Variants in VAPB observed in about 807,000 individuals in gnomAD.
VAPB encodes vesicle-associated membrane protein-associated protein B/C.
A neutral mutation model predicts 25.6 loss-of-function variants in VAPB; 7 were observed. That is an observed-to-expected ratio of 0.27 (90% CI 0.16 to 0.51). The LOEUF is 0.51. VAPB is among the 20% of genes least tolerant of loss of function. The pLI, the probability that VAPB is intolerant of heterozygous loss-of-function variation, is 0.97. For missense variants in VAPB, 266 were observed against 301.3 expected (o/e 0.88, Z 0.87); for synonymous variants, 112 against 109.2 (o/e 1.03, Z -0.16).
chr20:58,427,433 C>T lies in VAPB; in HGVS notation c.212-7169C>T, dbSNP rs556130692. Among the ~76,000 whole-genome samples, 62 of 146,132 alleles carry T rather than the reference C, an allele frequency of 4.2e-4. 1 individual carries two copies. In the South Asian group the frequency reaches 9.1e-3, roughly 22 times the overall value. On this transcript the variant is annotated intron_variant, in intron 2 of 5. Coordinates refer to ENST00000475243, the MANE Select transcript of VAPB (RefSeq NM_004738.5). The stretch of plus-strand genomic sequence containing the variant: ...TGATCTGTTACCATTATGATGCAGA[C>T]GAAAGTGATTCGTGATCTGTTACCA...
chr20:58,449,265 A>G lies in VAPB; in HGVS notation c.*5030A>G, dbSNP rs1161170332. 1.5e-5 allele frequency: 7 copies of G among 453,920 alleles called. No individual in the cohort carries two copies. Among genetic ancestry groups the G allele is most frequent in the Admixed American group, 2.4e-5 (1 of 42,550 alleles). The allele number at this position is 453,920 out of a possible 1,614,324, so 28.1% of individuals were successfully genotyped here. On this transcript the variant is annotated 3_prime_UTR_variant, in exon 6 of 6. Transcript: ENST00000475243. ...TGCCAGGGGGCCCTGACCTCCCTCC[A>G]TGCCATGTTTTTGGCTGTATCTACG...
intron 1 of VAPB, among the ~76,000 whole-genome samples, chr20:58,415,387 G>T (rs986569015): frequency 6.6e-6 from 1 of 152,154 alleles, no homozygotes; most frequent in African/African-American, 2.4e-5. Flanking sequence ...GACATAAAGG[G>T]CATTGTTTAC....
In VAPB at chr20:58,441,101, G is replaced by A. The variant is rs201884956; in HGVS notation, c.573+18G>A. ...AGTTCAAGGTAATAGTTTATTTTCT[G>A]GTAATCTACAGAAAACAAGGGCGTT... On this transcript the variant is annotated intron_variant, in intron 5 of 5. Coordinates refer to ENST00000475243, the MANE Select transcript of VAPB (RefSeq NM_004738.5). 4.7e-5 allele frequency: 75 copies of A among 1,612,756 alleles called. No homozygotes were observed. In the African/African-American group the frequency reaches 7.9e-4, roughly 17 times the overall value.
At position 58,446,997 on chromosome 20, in the gene VAPB, G is replaced by A. The variant is rs1419591537; in HGVS notation, c.*2762G>A. On this transcript the variant is annotated 3_prime_UTR_variant, in exon 6 of 6. Transcript: ENST00000475243. The stretch of plus-strand genomic sequence containing the variant: ...CAAGAGGGTTAAGAGTCAGATAATC[G>A]GGACGAAACTGGCATGGAAAGAGCG... 3 of 454,070 alleles carry A rather than the reference G, an allele frequency of 6.6e-6. No homozygotes were observed. Among genetic ancestry groups the A allele is most frequent in the South Asian group, 3.1e-5 (2 of 64,474 alleles). 28.1% of individuals were successfully genotyped at this position (454,070 alleles called of 1,614,324 possible).
rs763411641 is a variant in VAPB at position 58,449,289 on chromosome 20, C to T, written c.*5054C>T. ...CATGCCATGTTTTTGGCTGTATCTA[C>T]GGCACTTAACAATAGGGGCTTTTTA... On this transcript the variant is annotated 3_prime_UTR_variant, in exon 6 of 6. Transcript: ENST00000475243. 21 of 451,640 alleles carry T rather than the reference C, an allele frequency of 4.6e-5. No homozygotes were observed. Among genetic ancestry groups the T allele is most frequent in the African/African-American group, 1.0e-4 (5 of 49,798 alleles). 28.0% of individuals were successfully genotyped at this position (451,640 alleles called of 1,614,324 possible).
chr20:58,399,342 T>C (rs756686609), intron 1 of VAPB, among the ~76,000 whole-genome samples: 6 of 151,610 alleles, frequency 4.0e-5, no homozygotes, highest in African/African-American at 1.5e-4. Context: ...AGTGCCTTAT[T>C]ATAATTGTAG....
rs1384552910 is a variant in VAPB at position 58,450,547 on chromosome 20, TC to T, written c.*6314del. 2.2e-6 allele frequency: 1 copy of T among 454,100 alleles called. No individual in the cohort carries two copies. The highest frequency in any genetic ancestry group is 2.3e-5 in the Admixed American group (1 of 42,560). The allele number at this position is 454,100 out of a possible 1,614,324, so 28.1% of individuals were successfully genotyped here. A position where few individuals can be genotyped will look rare whatever the true frequency, so the allele number is the denominator to read the frequency against. On this transcript the variant is annotated 3_prime_UTR_variant, in exon 6 of 6. Transcript: ENST00000475243. The stretch of plus-strand genomic sequence containing the variant: ...TTATCAACTGCTGCCATTTGGAACT[TC>T]CTATAAGAAACTAAAAATGATCTAT...
chr20:58,403,044 G>A (rs2268925), intron 1 of VAPB, among the ~76,000 whole-genome samples: 49,066 of 151,960 alleles, frequency 0.32, 8,532 homozygotes, highest in African/African-American at 0.46. Flanking sequence ...GAGGGGGGAA[G>A]AAAGAAGACT....
intron 5 of VAPB, among the ~76,000 whole-genome samples, chr20:58,441,360 G>T (rs187101575): frequency 1.3e-5 from 2 of 152,090 alleles, no homozygotes; most frequent in East Asian, 3.9e-4. Flanking sequence ...CAAAAAACTT[G>T]GCCGGGTGCG....
chr20:58,439,111 T>G, intron 4 of VAPB, 86 bp downstream of exon 4: 3 of 1,310,312 alleles, frequency 2.3e-6, no homozygotes, highest in Non-Finnish European at 3.3e-6. Context: ...AAGATTTAAG[T>G]TGGCAAATTA....
At chr20:58,438,808 C>A in intron 3 of VAPB, 137 bp from the exon 4 acceptor site, 2 of 698,302 alleles carry the variant, frequency 2.9e-6, no homozygotes, top group South Asian at 1.7e-5. Context: ...GAAATCTCAG[C>A]AGACTTCAGT....
At position 58,430,226 on chromosome 20, in the gene VAPB, T is replaced by G. The variant is rs142277075; in HGVS notation, c.212-4376T>G. ...AAAATTAGGAGACTGATACTTGACA[T>G]TTTTTCATTTTTTGCCAATTTTTCT... On this transcript the variant is annotated intron_variant, in intron 2 of 5. Coordinates refer to ENST00000475243, the MANE Select transcript of VAPB (RefSeq NM_004738.5). Among the ~76,000 whole-genome samples, 794 of 149,406 alleles carry G rather than the reference T, an allele frequency of 5.3e-3. 8 individuals are homozygous for G. Among genetic ancestry groups the G allele is most frequent in the African/African-American group, 0.018 (743 of 40,364 alleles).
rs1370343198 is a variant in VAPB at position 58,389,509 on chromosome 20, A to G, written c.50A>G (p.Lys17Arg). Residue 17 changes from lysine (K) to arginine (R), a missense_variant, in exon 1 of 6, where the codon AAA (lysine) becomes AGA (arginine). By Grantham distance (26) the Lys-to-Arg change is conservative. Coordinates refer to ENST00000475243, the MANE Select transcript of VAPB (RefSeq NM_004738.5). ...VLSLEPQHEL[K>R]FRGPFTDVVT... The stretch of plus-strand genomic sequence containing the variant: ...AGCCTCGAGCCGCAGCACGAGCTCA[A>G]ATTCCGAGGTAAGCCCCAGAGGCCG... The G allele has an allele frequency of 1.9e-6, 3 of 1,590,308 alleles. No individual in the cohort carries two copies. The highest frequency in any genetic ancestry group is 2.3e-5 in the South Asian group (2 of 86,970).
At chr20:58,402,026 CTT>C (rs1436165159) in intron 1 of VAPB, among the ~76,000 whole-genome samples, 1 of 152,234 alleles carries the variant, frequency 6.6e-6, no homozygotes, top group Non-Finnish European at 1.5e-5. Context: ...CGAGTCTTCT[CTT>C]TCTTTCCACC....
chr20:58,430,095 A>T (rs1600808837), intron 2 of VAPB, among the ~76,000 whole-genome samples: 1 of 131,440 alleles, frequency 7.6e-6, no homozygotes, highest in Non-Finnish European at 1.7e-5. Flanking sequence ...GGGTATATCA[A>T]TATTTATTAT....
chr20:58,405,022 A>G (rs545889868), intron 1 of VAPB, among the ~76,000 whole-genome samples: 150 of 152,240 alleles, frequency 9.9e-4, no homozygotes, highest in African/African-American at 3.4e-3. Flanking sequence ...AACAGAAAAT[A>G]TATATGATGT....
rs59133081 is a variant in VAPB, at chr20:58,423,414, C to CAAAAAAAAAAAAAAAAAAAAAAAAAA, written c.211+5061_211+5086dup. On this transcript the variant is annotated intron_variant, in intron 2 of 5. Transcript: ENST00000475243. ...GCAACAAGAGAGAAACTCCATCTCACAAAAAAAAAAAAAAAAAAAAAAAAA... is the reference window on the plus strand; with the variant it reads ...GCAACAAGAGAGAAACTCCATCTCACAAAAAAAAAAAAAAAAAAAAAAAAAAAAAAAAAAAAAAAAAAAAAAAAAAA... Among the ~76,000 whole-genome samples, 9 of 34,762 alleles carry CAAAAAAAAAAAAAAAAAAAAAAAAAA rather than the reference C, an allele frequency of 2.6e-4. 3 individuals carry two copies. Among genetic ancestry groups the CAAAAAAAAAAAAAAAAAAAAAAAAAA allele is most frequent in the Admixed American group, 1.3e-3 (2 of 1,510 alleles). The allele number at this position is 34,762 out of a possible 152,430, so 22.8% of individuals were successfully genotyped here.
At chr20:58,438,900 C>T (rs1989103629) in intron 3 of VAPB, 45 bp from the exon 4 acceptor site, 1 of 1,518,056 alleles carries the variant, frequency 6.6e-7, no homozygotes, top group Non-Finnish European at 9.1e-7. Flanking sequence ...GTTATTCTTC[C>T]AGCAGGTTTA....
intron 1 of VAPB, 149 bp from the exon 2 acceptor site, chr20:58,418,062 C>CCTCA (rs1180810366): frequency 5.5e-6 from 6 of 1,082,680 alleles, no homozygotes; most frequent in Non-Finnish European, 5.6e-6. Flanking sequence ...AGTGCATTAA[C>CCTCA]CTCAGCTCAT....
Sources: gnomAD v4.1 joint callset for allele counts (sites outside exome capture counted in the v4.1 genomes callset) on GRCh38, gnomAD v4.1.1 for gene constraint, MANE v1.5 for transcripts, NCBI Gene and HGNC (gene_info 2026-07-23, HGNC 2026-07-21) for gene names.